OCA2: variants seen among roughly 807,000 people sequenced by gnomAD.
The protein encoded by OCA2 is OCA2 melanosomal transmembrane protein.
In OCA2, 77 loss-of-function variants were observed where a neutral mutation model predicts 100.2. The ratio of observed to expected loss-of-function variants is 0.77; its 90% CI spans 0.64 to 0.93. The LOEUF is 0.93. Ranked by LOEUF, OCA2 falls within the 40% of genes least tolerant of loss-of-function variation. The pLI is 0.00. For synonymous variants in OCA2, 432 were observed against 439.2 expected, an observed-to-expected ratio of 0.98 and a Z score of 0.21; for missense variants, 1,062 against 1,089.1, an observed-to-expected ratio of 0.98 and a Z score of 0.35.
At chr15:27,909,273 C>T (rs2038295721) in intron 19 of OCA2, among the ~76,000 whole-genome samples, 1 of 152,132 alleles carries the variant, frequency 6.6e-6, no homozygotes, top group Non-Finnish European at 1.5e-5. Context: ...AATACAAAGA[C>T]ACATCCTGTT....
intron 2 of OCA2, among the ~76,000 whole-genome samples, chr15:28,066,122 C>T (rs2044016024): frequency 6.6e-6 from 1 of 152,158 alleles, no homozygotes; most frequent in African/African-American, 2.4e-5. Context: ...TGTACCAACA[C>T]TGAACAAATG....
At chr15:27,778,390 G>T (rs1346931990) in intron 23 of OCA2, among the ~76,000 whole-genome samples, 2 of 152,222 alleles carry the variant, frequency 1.3e-5, no homozygotes, top group African/African-American at 4.8e-5. Context: ...AGAGAGGAAA[G>T]TCTCATCAGA....
At chr15:27,895,896 C>T (rs1319580441) in intron 19 of OCA2, 5 of 588,690 alleles carry the variant, frequency 8.5e-6, no homozygotes, top group Non-Finnish European at 1.6e-5. Flanking sequence ...TATCAGGTTG[C>T]TTATGCCCGT....
In OCA2 at chr15:27,957,502, GT is replaced by G; in HGVS notation, c.1784+85del. The stretch of plus-strand genomic sequence containing the variant: ...TGCGTCACCTAAATATCACGTATTA[GT>G]ATACAGCTAATGTCGCTATTTTGTA... On this transcript the variant is annotated intron_variant, in intron 16 of 23. Coordinates refer to ENST00000354638, the MANE Select transcript of OCA2 (RefSeq NM_000275.3). This position sits in a 1 kb window ranked among gnomAD's most constrained non-coding sequence, Gnocchi z 4.3. The G allele has an allele frequency of 6.8e-7, 1 of 1,461,208 alleles. No homozygotes were observed. The highest frequency in any genetic ancestry group is 9.6e-7 in the Non-Finnish European group (1 of 1,045,120). 90.5% of individuals were successfully genotyped at this position (1,461,208 alleles called of 1,614,324 possible).
At chr15:27,728,935 A>G in the OCA2 span, among the ~76,000 whole-genome samples, 1 of 152,178 alleles carries the variant, frequency 6.6e-6, no homozygotes, top group Non-Finnish European at 1.5e-5. Context: ...CAAACGATCA[A>G]GTCCTGGTTT....
At chr15:27,966,224 C>G (rs747414684) in intron 15 of OCA2, among the ~76,000 whole-genome samples, 5 of 152,212 alleles carry the variant, frequency 3.3e-5, no homozygotes, top group Non-Finnish European at 7.3e-5. Context: ...ATCCGCCCAC[C>G]TTGGCCTCCC....
chr15:27,726,935 C>T, the OCA2 span, among the ~76,000 whole-genome samples: 1 of 152,142 alleles, frequency 6.6e-6, no homozygotes, highest in Non-Finnish European at 1.5e-5. Flanking sequence ...CAGAGCGCTG[C>T]ACATGGCAGA....
chr15:27,984,253 G>T (rs138773753), intron 13 of OCA2, among the ~76,000 whole-genome samples: 2 of 152,000 alleles, frequency 1.3e-5, no homozygotes, highest in African/African-American at 4.8e-5. Flanking sequence ...GCTGGAATCT[G>T]GGAGTCCTAC....
At chr15:27,904,704 A>C (rs923899221) in intron 19 of OCA2, among the ~76,000 whole-genome samples, 4 of 152,146 alleles carry the variant, frequency 2.6e-5, no homozygotes, top group African/African-American at 9.7e-5. Context: ...CCAAGTTGCA[A>C]AGTACAAGGA....
At chr15:27,801,089 A>G (rs1053982589) in intron 23 of OCA2, among the ~76,000 whole-genome samples, 10 of 152,328 alleles carry the variant, frequency 6.6e-5, no homozygotes, top group African/African-American at 1.7e-4. Context: ...ATTTTACACA[A>G]ACTCTTCCTG....
chr15:28,022,361 AGACATCCT>A (rs1300597907), intron 6 of OCA2, 132 bp downstream of exon 6: 18 of 700,526 alleles, frequency 2.6e-5, no homozygotes, highest in Non-Finnish European at 3.6e-5. Context: ...ATCTCTCATC[AGACATCCT>A]GGAGAAACAA....
chr15:27,941,384 A>G (rs1391751217), intron 18 of OCA2, among the ~76,000 whole-genome samples: 1 of 152,218 alleles, frequency 6.6e-6, no homozygotes, highest in Non-Finnish European at 1.5e-5. Context: ...GTACTCCGTC[A>G]AAATTATCCA....
rs968827936 is a variant in OCA2, at chr15:28,082,940, G to T, written c.-21-1045C>A. 3.9e-5 allele frequency among the ~76,000 whole-genome samples: 6 copies of T among 152,042 alleles called. No homozygotes were observed. In the South Asian group the frequency reaches 8.3e-4, roughly 21 times the overall value. On this transcript the variant is annotated intron_variant, in intron 1 of 23. Transcript: ENST00000354638. Reference sequence around the variant, plus strand: ...CAAACCACTCACCATTTTATTTTTTGCATTTTCAAGCAGCCGACAGCACCA... The same window carrying T: ...CAAACCACTCACCATTTTATTTTTTTCATTTTCAAGCAGCCGACAGCACCA...
At chr15:27,857,214 G>T (rs946053628) in intron 21 of OCA2, among the ~76,000 whole-genome samples, 1 of 152,166 alleles carries the variant, frequency 6.6e-6, no homozygotes, top group Admixed American at 6.5e-5. Flanking sequence ...GAATCAAATA[G>T]AAATTCTGGA....
intron 23 of OCA2, among the ~76,000 whole-genome samples, chr15:27,780,616 C>G (rs182817627): frequency 1.1e-4 from 17 of 152,308 alleles, no homozygotes; most frequent in Admixed American, 2.0e-4. Flanking sequence ...TCAGGTTACT[C>G]GGGTAATTAA....
intron 3 of OCA2, among the ~76,000 whole-genome samples, chr15:28,028,465 C>A (rs2042819989): frequency 6.6e-6 from 1 of 152,068 alleles, no homozygotes; most frequent in Non-Finnish European, 1.5e-5. Context: ...TTTTCCTCCT[C>A]TGTGTAGATC....
At chr15:27,756,040 A>G (rs1269463909) in intron 23 of OCA2, among the ~76,000 whole-genome samples, 1 of 152,248 alleles carries the variant, frequency 6.6e-6, no homozygotes, top group Non-Finnish European at 1.5e-5. Context: ...CAGATACAAA[A>G]GCAGTCATGA....
chr15:28,033,971 G>T (rs902974763), intron 2 of OCA2, among the ~76,000 whole-genome samples: 3 of 152,062 alleles, frequency 2.0e-5, no homozygotes, highest in Non-Finnish European at 2.9e-5. Flanking sequence ...TGAGCCCTGA[G>T]CTTCCATTTT....
chr15:27,812,875 C>T (rs2034133899), intron 23 of OCA2, among the ~76,000 whole-genome samples: 1 of 152,158 alleles, frequency 6.6e-6, no homozygotes, highest in South Asian at 2.1e-4. Flanking sequence ...CCCCAGCCAG[C>T]CCAGCAGCTG....
Sources: allele counts gnomAD v4.1 joint callset (sites outside exome capture counted in the v4.1 genomes callset), GRCh38; gene constraint gnomAD v4.1.1; non-coding constraint Gnocchi (gnomAD v3.1); transcripts MANE v1.5; gene names NCBI Gene and HGNC (gene_info 2026-07-23, HGNC 2026-07-21).